The following ZDHHC4 variants were observed in gnomAD, a reference collection of about 807,000 sequenced individuals.
ZDHHC4 encodes the protein palmitoyltransferase ZDHHC4.
Under a neutral mutation model 36.7 loss-of-function variants are expected in ZDHHC4, and 42 were observed. That is an observed-to-expected ratio of 1.14 (90% CI 0.89 to 1.48). The LOEUF is 1.48. Ranked by LOEUF, ZDHHC4 falls within the 40% of genes most tolerant of loss-of-function variation. The probability of loss-of-function intolerance (pLI) is 0.00; values close to 1 mark genes in which losing one functional copy is unlikely to be tolerated. For synonymous variants in ZDHHC4, 189 were observed against 166.6 expected (o/e 1.13, Z -1.03); for missense variants, 457 against 421.5 (o/e 1.08, Z -0.74).
rs1405448660 is a variant in ZDHHC4 at position 6,578,716 on chromosome 7, G to A, written c.-12G>A. 1 of 152,154 alleles carries A rather than the reference G, an allele frequency of 6.6e-6. No homozygotes were observed. Among genetic ancestry groups the A allele is most frequent in the Non-Finnish European group, 1.5e-5 (1 of 68,036 alleles). 9.4% of individuals were successfully genotyped at this position (152,154 alleles called of 1,614,324 possible). On this transcript the variant is annotated 5_prime_UTR_variant, in exon 2 of 8. Transcript: ENST00000335965. ...CCGGCTGAAAATTACCCAACCAAGA[G>A]AAATGTAGGCTGGGTACCCTGAATC... is the stretch of plus-strand genomic sequence containing the variant.
chr7:6,584,774 G>A lies in ZDHHC4; in HGVS notation c.497-242G>A. On this transcript the variant is annotated intron_variant, in intron 6 of 7. Coordinates refer to ENST00000335965, the MANE Select transcript of ZDHHC4 (RefSeq NM_001134389.2). ...TAGCCTCTGAGTAGCTGGGACCATG[G>A]GTGCATGCCGCCACCACCTCAGATT... 9.5e-6 allele frequency: 5 copies of A among 528,864 alleles called. No homozygotes were observed. In the South Asian group the frequency reaches 1.0e-4, roughly 11 times the overall value. 32.8% of individuals were successfully genotyped at this position (528,864 alleles called of 1,614,324 possible). A position where few individuals can be genotyped will look rare whatever the true frequency, so the allele number is the denominator to read the frequency against.
Position 6,582,143 on chromosome 7 carries a change from T to C in ZDHHC4, c.262T>C (p.Phe88Leu), listed in dbSNP as rs1780897397. ...TTATACTGAGTACACCTGGGAAGTA[T>C]TTGGCTACTGTCAGGAGCTGGAGTT... ...MVYTEYTWEVFGYCQELELSL... is the reference protein window; with the variant it reads ...MVYTEYTWEVLGYCQELELSL... The change falls in exon 5 of 8, where the codon TTT becomes CTT. Residue 88 changes from phenylalanine to leucine, a missense_variant. Phe to Leu is a conservative substitution (Grantham distance 22, BLOSUM62 0). Transcript: ENST00000335965. 2 of 1,614,232 alleles carry C rather than the reference T, an allele frequency of 1.2e-6. No homozygotes were observed. The highest frequency in any genetic ancestry group is 1.7e-6 in the Non-Finnish European group (2 of 1,180,042).
rs1196100747 is a variant in ZDHHC4 at position 6,583,620 on chromosome 7, A to G, written c.496+189A>G. 6 of 717,038 alleles carry G rather than the reference A, an allele frequency of 8.4e-6. No homozygotes were observed. The East Asian group carries it at 1.5e-4, about 18-fold the overall frequency. 44.4% of individuals were successfully genotyped at this position (717,038 alleles called of 1,614,324 possible). A position where few individuals can be genotyped will look rare whatever the true frequency, so the allele number is the denominator to read the frequency against. On this transcript the variant is annotated intron_variant, in intron 6 of 7. Coordinates refer to ENST00000335965, the MANE Select transcript of ZDHHC4 (RefSeq NM_001134389.2). ...AGGGTCAGGTCTTGTGTTCCTGTGT[A>G]GTAGACAGTCCTCATCTCTGGGCAT...
At position 6,583,428 on chromosome 7, in the gene ZDHHC4, T is replaced by G; in HGVS notation, c.493T>G (p.Cys165Gly). 1 of 1,608,952 alleles carries G rather than the reference T, an allele frequency of 6.2e-7. No homozygotes were observed. Among genetic ancestry groups the G allele is most frequent in the Non-Finnish European group, 8.5e-7 (1 of 1,176,398 alleles). The stretch of plus-strand genomic sequence containing the variant: ...AAGGAAACCAGCTCGATCCAAGCAC[T>G]GCAGTGAGTGTGGCTCTCGTGACTC... ...DLRKPARSKHCSVCNWCVHRF... is the reference protein window; with the variant it reads ...DLRKPARSKHGSVCNWCVHRF... Residue 165 changes from cysteine (C) to glycine (G), a missense_variant, in exon 6 of 8, where the codon TGC becomes GGC. Physicochemically the swap from Cys to Gly is radical, Grantham distance 159. Transcript: ENST00000335965.
intron 3 of ZDHHC4, chr7:6,581,079 T>C: frequency 3.9e-6 from 1 of 258,316 alleles, no homozygotes; most frequent in Non-Finnish European, 7.5e-6. Flanking sequence ...TCCTCTGGAT[T>C]AGATGCCTGT....
intron 2 of ZDHHC4, among the ~76,000 whole-genome samples, chr7:6,580,251 T>A (rs1195696574): frequency 3.3e-5 from 5 of 152,142 alleles, no homozygotes; most frequent in Non-Finnish European, 5.9e-5. Context: ...TCCACCCACC[T>A]CTGCTTCCCA....
chr7:6,588,871 A>G lies in ZDHHC4; in HGVS notation c.996A>G (p.Leu332=). 1.9e-6 allele frequency: 3 copies of G among 1,610,760 alleles called. No homozygotes were observed. Among genetic ancestry groups the G allele is most frequent in the Non-Finnish European group, 2.5e-6 (3 of 1,177,106 alleles). The change falls in exon 8 of 8, where the codon CTA becomes CTG. Residue 332 remains leucine (L), a synonymous_variant. Transcript: ENST00000335965. The part of the protein sequence containing the change: ...GLRSNLQEIF[L]PAFPCHERKK... Reference sequence around the variant, plus strand: ...GGAGCAACCTTCAAGAGATCTTTCTACCTGCCTTTCCATGTCATGAGAGGA... The same window carrying G: ...GGAGCAACCTTCAAGAGATCTTTCTGCCTGCCTTTCCATGTCATGAGAGGA...
chr7:6,582,764 C>T (rs2115169900), intron 5 of ZDHHC4, among the ~76,000 whole-genome samples: 1 of 152,174 alleles, frequency 6.6e-6, no homozygotes, highest in East Asian at 1.9e-4. Flanking sequence ...GATCCACCCA[C>T]CTCAGCCTCC....
chr7:6,582,996 C>A (rs1473298944), intron 5 of ZDHHC4, among the ~76,000 whole-genome samples: 1 of 151,820 alleles, frequency 6.6e-6, no homozygotes, highest in Non-Finnish European at 1.5e-5. Context: ...AATGGTGAAA[C>A]CCCATCTGTA....
intron 7 of ZDHHC4, among the ~76,000 whole-genome samples, chr7:6,585,747 A>G (rs1781197977): frequency 6.6e-6 from 1 of 151,970 alleles, no homozygotes; most frequent in African/African-American, 2.4e-5. Context: ...GAGAGGTTGC[A>G]GTGAGCTGAG....
Position 6,585,209 on chromosome 7 carries a change from C to T in ZDHHC4, c.690C>T (p.Tyr230=), listed in dbSNP as rs146715309. 12 of 1,614,086 alleles carry T rather than the reference C, an allele frequency of 7.4e-6. No individual in the cohort carries two copies. In the African/African-American group the frequency reaches 1.2e-4, roughly 16 times the overall value. The change falls in exon 7 of 8, where the codon TAC becomes TAT. Residue 230 remains tyrosine (Y), a synonymous_variant. Coordinates refer to ENST00000335965, the MANE Select transcript of ZDHHC4 (RefSeq NM_001134389.2). ...TGTCAGATTTATACCAGGAGACTTA[C>T]ATCGATGACCTTGGACACCTCCATG... ...VVMSDLYQET[Y]IDDLGHLHVM...
intron 6 of ZDHHC4, 121 bp downstream of exon 6, chr7:6,583,552 C>G: frequency 7.5e-7 from 1 of 1,331,002 alleles, no homozygotes; most frequent in Non-Finnish European, 1.0e-6. Flanking sequence ...ATGGTGTGGC[C>G]ACTACTTGTA....
At chr7:6,586,926 T>G (rs1230032209) in intron 7 of ZDHHC4, among the ~76,000 whole-genome samples, 1 of 152,264 alleles carries the variant, frequency 6.6e-6, no homozygotes, top group Non-Finnish European at 1.5e-5. Flanking sequence ...TACAAGTTTT[T>G]TGTGTGGACA....
intron 5 of ZDHHC4, 109 bp from the exon 6 acceptor site, chr7:6,583,193 ATTAC>A: frequency 8.1e-7 from 1 of 1,228,090 alleles, no homozygotes; most frequent in Non-Finnish European, 1.1e-6. Context: ...AAAAAAAAGA[ATTAC>A]TTACGATATT....
At position 6,585,203 on chromosome 7, in the gene ZDHHC4, G is replaced by T; in HGVS notation, c.684G>T (p.Glu228Asp). ...TGGTGATGTCAGATTTATACCAGGAGACTTACATCGATGACCTTGGACACC... is the reference window on the plus strand; with the variant it reads ...TGGTGATGTCAGATTTATACCAGGATACTTACATCGATGACCTTGGACACC... ...HLVVMSDLYQ[E>D]TYIDDLGHLH... Residue 228 changes from glutamate to aspartate, a missense_variant, in exon 7 of 8, where the codon GAG becomes GAT. By Grantham distance (45) the Glu-to-Asp change is conservative. Coordinates refer to ENST00000335965, the MANE Select transcript of ZDHHC4 (RefSeq NM_001134389.2). 6.2e-7 allele frequency: 1 copy of T among 1,614,164 alleles called. No individual in the cohort carries two copies. The highest frequency in any genetic ancestry group is 8.5e-7 in the Non-Finnish European group (1 of 1,180,036).
chr7:6,582,370 C>T, intron 5 of ZDHHC4, 119 bp downstream of exon 5: 13 of 960,450 alleles, frequency 1.4e-5, no homozygotes, highest in Non-Finnish European at 2.0e-5. Context: ...GTAGCATTTT[C>T]ATTACCTTTC....
intron 7 of ZDHHC4, among the ~76,000 whole-genome samples, chr7:6,587,480 A>G (rs910371261): frequency 2.0e-5 from 3 of 152,196 alleles, no homozygotes; most frequent in African/African-American, 7.2e-5. Context: ...CATTTTGCTT[A>G]TTACAAAAAT....
intron 2 of ZDHHC4, 122 bp from the exon 3 acceptor site, chr7:6,580,433 A>T: frequency 1.2e-6 from 1 of 801,454 alleles, no homozygotes; most frequent in Non-Finnish European, 2.1e-6. Context: ...TTGCTTTGAG[A>T]TGTCATTAAA....
chr7:6,580,990 C>T (rs138463761), intron 3 of ZDHHC4: 63 of 345,872 alleles, frequency 1.8e-4, no homozygotes, highest in African/African-American at 1.1e-3. Context: ...GGATATTCCA[C>T]AGCCTCTGTC....
Sources: gnomAD v4.1 joint callset for allele counts (sites outside exome capture counted in the v4.1 genomes callset) on GRCh38, gnomAD v4.1.1 for gene constraint, MANE v1.5 for transcripts, NCBI Gene and HGNC (gene_info 2026-07-23, HGNC 2026-07-21) for gene names.